The following SNTG1 variants were observed in gnomAD, a reference collection of about 807,000 sequenced individuals.
SNTG1 encodes the protein gamma-1-syntrophin.
A neutral mutation model predicts 74.7 loss-of-function variants in SNTG1; 39 were observed. The observed-to-expected ratio is 0.52, with a 90% CI of 0.40 to 0.68. The LOEUF (loss-of-function observed/expected upper bound fraction) is 0.68. SNTG1 is among the 30% of genes least tolerant of loss of function. The pLI, the probability that SNTG1 is intolerant of heterozygous loss-of-function variation, is 0.00. For synonymous variants in SNTG1, 254 were observed against 217.1 expected, an observed-to-expected ratio of 1.17 and a Z score of -1.49; for missense variants, 685 against 609.5, an observed-to-expected ratio of 1.12 and a Z score of -1.30.
chr8:50,366,197 T>A (rs1171504929), intron 2 of SNTG1, among the ~76,000 whole-genome samples: 1 of 152,170 alleles, frequency 6.6e-6, no homozygotes, highest in Admixed American at 6.5e-5. Context: ...TGCCAAGACA[T>A]GCTTGTAGGA....
intron 1 of SNTG1, among the ~76,000 whole-genome samples, chr8:50,059,827 A>T (rs2130928960): frequency 6.6e-6 from 1 of 152,252 alleles, no homozygotes; most frequent in African/African-American, 2.4e-5. Flanking sequence ...TTGTGTGGAC[A>T]TAGTGTTGTC....
At chr8:50,640,408 C>T (rs963378328) in intron 13 of SNTG1, among the ~76,000 whole-genome samples, 30 of 152,246 alleles carry the variant, frequency 2.0e-4, no homozygotes, top group African/African-American at 5.5e-4. Context: ...GGCTTTCCTG[C>T]GGAGAATTGT....
At chr8:50,640,204 C>T (rs1052501722) in intron 13 of SNTG1, among the ~76,000 whole-genome samples, 1 of 152,076 alleles carries the variant, frequency 6.6e-6, no homozygotes, top group African/African-American at 2.4e-5. Context: ...GTGCATCTGC[C>T]TATGAAAAGA....
intron 1 of SNTG1, among the ~76,000 whole-genome samples, chr8:50,033,238 C>T (rs1276890061): frequency 6.6e-6 from 1 of 152,120 alleles, no homozygotes; most frequent in South Asian, 2.1e-4. Flanking sequence ...ATTCTCCTGC[C>T]TCAGCCTCCT....
intron 13 of SNTG1, among the ~76,000 whole-genome samples, chr8:50,612,116 T>C (rs1237112089): frequency 6.6e-6 from 1 of 152,220 alleles, no homozygotes; most frequent in East Asian, 1.9e-4. Flanking sequence ...GAGAGCATAA[T>C]GTTCATTGTA....
intron 2 of SNTG1, among the ~76,000 whole-genome samples, chr8:50,293,779 G>C (rs2089240231): frequency 6.6e-6 from 1 of 152,026 alleles, no homozygotes; most frequent in Non-Finnish European, 1.5e-5. Context: ...CTGTAGTACA[G>C]GGGTTAAGAT....
At chr8:50,200,001 A>G (rs991472439) in intron 2 of SNTG1, among the ~76,000 whole-genome samples, 6 of 138,842 alleles carry the variant, frequency 4.3e-5, no homozygotes, top group Non-Finnish European at 8.1e-5. Context: ...CCCCCAACAA[A>G]TTGGTTTTTC....
At chr8:50,322,348 C>A (rs1311300101) in intron 2 of SNTG1, among the ~76,000 whole-genome samples, 1 of 152,032 alleles carries the variant, frequency 6.6e-6, no homozygotes, top group Admixed American at 6.5e-5. Context: ...TTTAAGTATA[C>A]CATGTCAGTC....
chr8:50,360,739 T>C (rs2091933753), intron 2 of SNTG1, among the ~76,000 whole-genome samples: 1 of 152,144 alleles, frequency 6.6e-6, no homozygotes, highest in Non-Finnish European at 1.5e-5. Context: ...ATGGAAAAGG[T>C]ACAGTAAAAG....
At chr8:50,672,853 T>A (rs776943716) in intron 15 of SNTG1, among the ~76,000 whole-genome samples, 5 of 152,326 alleles carry the variant, frequency 3.3e-5, no homozygotes, top group Admixed American at 6.5e-5. Context: ...TATATTGAGT[T>A]AATTTTTGTT....
At chr8:50,681,568 C>A (rs1340007064) in intron 15 of SNTG1, among the ~76,000 whole-genome samples, 1 of 152,066 alleles carries the variant, frequency 6.6e-6, no homozygotes, top group African/African-American at 2.4e-5. Flanking sequence ...AAACTGACAA[C>A]AATGCTATTT....
intron 1 of SNTG1, among the ~76,000 whole-genome samples, chr8:49,978,669 T>TAGA (rs1274750990): frequency 6.6e-6 from 1 of 152,134 alleles, no homozygotes; most frequent in East Asian, 1.9e-4. Flanking sequence ...ACACTTAAAT[T>TAGA]AGAATGAAAT....
rs10087717 is a variant in SNTG1, at chr8:50,051,205, C to T, written c.-102-121356C>T. Among the ~76,000 whole-genome samples, 671 of 150,578 alleles carry T rather than the reference C, an allele frequency of 4.5e-3. 5 individuals carry two copies. Among genetic ancestry groups the T allele is most frequent in the African/African-American group, 0.016 (648 of 41,020 alleles). On this transcript the variant is annotated intron_variant, in intron 1 of 18. Transcript: ENST00000642720. ...TTTTGGAAAGTAAAAAATAAAATTA[C>T]ACCAGAGGACATTATCTTTAGATAG... is the stretch of plus-strand genomic sequence containing the variant.
rs2093576027 is a variant in SNTG1 at position 50,462,794 on chromosome 8, C to CTTTTTTTTTTTTTTTTTT, written c.363+12066_363+12067insTTTTTTTTTTTTTTTTTT. ...AACTCAGTCGCATCTTCAGGTTCTACTCTTTTTTTTTTTTTTTTTTTTTTT... is the reference window on the plus strand; with the variant it reads ...AACTCAGTCGCATCTTCAGGTTCTACTTTTTTTTTTTTTTTTTTTCTTTTTTTTTTTTTTTTTTTTTTT... On this transcript the variant is annotated intron_variant, in intron 8 of 18. Coordinates refer to ENST00000642720, the MANE Select transcript of SNTG1 (RefSeq NM_018967.5). 2.3e-4 allele frequency among the ~76,000 whole-genome samples: 10 copies of CTTTTTTTTTTTTTTTTTT among 43,628 alleles called. 4 individuals carry two copies. Among genetic ancestry groups the CTTTTTTTTTTTTTTTTTT allele is most frequent in the Admixed American group, 5.9e-4 (2 of 3,406 alleles). 28.6% of individuals were successfully genotyped at this position (43,628 alleles called of 152,430 possible).
At chr8:50,362,132 T>C (rs1342445744) in intron 2 of SNTG1, among the ~76,000 whole-genome samples, 1 of 152,134 alleles carries the variant, frequency 6.6e-6, no homozygotes, top group Non-Finnish European at 1.5e-5. Context: ...GAAAATCACC[T>C]CAGGACTATG....
intron 1 of SNTG1, among the ~76,000 whole-genome samples, chr8:49,964,463 T>C (rs1810967393): frequency 6.6e-6 from 1 of 152,188 alleles, no homozygotes; most frequent in South Asian, 2.1e-4. Flanking sequence ...GATAGCTAGG[T>C]AGATTGATAG....
At chr8:49,941,582 A>G (rs1808694284) in intron 1 of SNTG1, among the ~76,000 whole-genome samples, 1 of 150,644 alleles carries the variant, frequency 6.6e-6, no homozygotes, top group African/African-American at 2.4e-5. Flanking sequence ...CTGGTCATGG[A>G]GGCCTTTGCA....
In SNTG1 at chr8:49,940,828, A is replaced by C. The variant is rs79590301; in HGVS notation, c.-103+28597A>C. 4.9e-3 allele frequency among the ~76,000 whole-genome samples: 751 copies of C among 152,338 alleles called. 9 individuals are homozygous for C. The highest frequency in any genetic ancestry group is 0.017 in the African/African-American group (695 of 41,580). ...TGTGAAAATAGAACACATGTTGCAA[A>C]AACATCATGAGACAGGATACTGCTT... On this transcript the variant is annotated intron_variant, in intron 1 of 18. Transcript: ENST00000642720.
At chr8:50,547,693 T>C (rs2094398063) in intron 11 of SNTG1, among the ~76,000 whole-genome samples, 2 of 152,064 alleles carry the variant, frequency 1.3e-5, no homozygotes, top group African/African-American at 4.8e-5. Flanking sequence ...TAAAAAGAAA[T>C]AACCCTTGAA....
Sources: gnomAD v4.1 joint callset for allele counts (sites outside exome capture counted in the v4.1 genomes callset) on GRCh38, gnomAD v4.1.1 for gene constraint, MANE v1.5 for transcripts, NCBI Gene and HGNC (gene_info 2026-07-23, HGNC 2026-07-21) for gene names.